The following NAALADL2 variants were observed in gnomAD, a reference collection of about 807,000 sequenced individuals.
NAALADL2 encodes inactive N-acetylated-alpha-linked acidic dipeptidase-like protein 2.
Under a neutral mutation model 87.2 loss-of-function variants are expected in NAALADL2, and 76 were observed. The ratio of observed to expected loss-of-function variants is 0.87; its 90% CI spans 0.72 to 1.05. The LOEUF (loss-of-function observed/expected upper bound fraction) is 1.05, where lower values mean the gene tolerates loss of function less well. Among genes scored for constraint, NAALADL2 ranks in the 50% least tolerant of loss-of-function variants. The pLI, the probability that NAALADL2 is intolerant of heterozygous loss-of-function variation, is 0.00. For missense variants in NAALADL2, 1,089 were observed against 945.8 expected (o/e 1.15, Z -1.99); for synonymous variants, 354 against 331.0 (o/e 1.07, Z -0.75).
intron 1 of NAALADL2, among the ~76,000 whole-genome samples, chr3:174,882,123 A>G (rs1419607715): frequency 1.3e-5 from 2 of 152,058 alleles, no homozygotes; most frequent in Non-Finnish European, 2.9e-5. Context: ...GTGATATTCC[A>G]CTTACGTTAA....
intron 9 of NAALADL2, among the ~76,000 whole-genome samples, chr3:175,488,450 G>A (rs1727616889): frequency 1.3e-5 from 2 of 152,210 alleles, no homozygotes; most frequent in African/African-American, 2.4e-5. Context: ...TGTAGGTGCT[G>A]GGATGTGTGT....
intron 1 of NAALADL2, among the ~76,000 whole-genome samples, chr3:174,473,833 G>A (rs555159860): frequency 4.6e-4 from 70 of 152,182 alleles, no homozygotes; most frequent in African/African-American, 1.1e-3. Context: ...CCATTCTTGC[G>A]CTGCTATGAA....
intron 1 of NAALADL2, among the ~76,000 whole-genome samples, chr3:174,514,708 AT>A (rs1719814148): frequency 6.6e-6 from 1 of 151,918 alleles, no homozygotes; most frequent in Admixed American, 6.6e-5. Context: ...AATTTTATAA[AT>A]TTTTTTCTAT....
At chr3:175,218,624 A>G (rs899646657) in intron 2 of NAALADL2, among the ~76,000 whole-genome samples, 3 of 152,104 alleles carry the variant, frequency 2.0e-5, no homozygotes, top group South Asian at 2.1e-4. Context: ...CACATTTATA[A>G]TCATGAATTT....
chr3:175,228,320 C>T (rs1744450523), intron 2 of NAALADL2, among the ~76,000 whole-genome samples: 1 of 151,868 alleles, frequency 6.6e-6, no homozygotes, highest in Non-Finnish European at 1.5e-5. Flanking sequence ...CAGAGTTTTC[C>T]CCCTTGGATA....
intron 1 of NAALADL2, among the ~76,000 whole-genome samples, chr3:174,955,392 A>G (rs575436239): frequency 7.9e-5 from 12 of 152,256 alleles, no homozygotes; most frequent in African/African-American, 2.6e-4. Flanking sequence ...TTTTAAAACA[A>G]CAAATACCTG....
chr3:175,036,843 A>AT (rs1753477863), intron 1 of NAALADL2, among the ~76,000 whole-genome samples: 1 of 123,050 alleles, frequency 8.1e-6, no homozygotes, highest in African/African-American at 3.3e-5. Flanking sequence ...TATACTTGCT[A>AT]CCCAACAACA....
At chr3:175,607,640 G>T (rs970876114) in intron 10 of NAALADL2, among the ~76,000 whole-genome samples, 7 of 152,082 alleles carry the variant, frequency 4.6e-5, no homozygotes, top group Non-Finnish European at 1.0e-4. Context: ...AACAACTACC[G>T]AGTAGTTCAA....
At chr3:175,561,276 T>G (rs966260849) in intron 9 of NAALADL2, among the ~76,000 whole-genome samples, 11 of 152,176 alleles carry the variant, frequency 7.2e-5, no homozygotes, top group African/African-American at 2.7e-4. Context: ...AATCTCAAGG[T>G]TACTTATAAT....
intron 1 of NAALADL2, among the ~76,000 whole-genome samples, chr3:174,903,997 A>ATCTATT (rs1172607418): frequency 9.9e-5 from 15 of 151,036 alleles, no homozygotes; most frequent in African/African-American, 3.7e-4. Context: ...CTATATCTAT[A>ATCTATT]TCTATATCTA....
chr3:174,955,522 C>T (rs574737153), intron 1 of NAALADL2, among the ~76,000 whole-genome samples: 17 of 152,116 alleles, frequency 1.1e-4, no homozygotes, highest in African/African-American at 3.9e-4. Flanking sequence ...TAAAGATTAT[C>T]ACAAATGATG....
At chr3:174,767,722 A>G (rs1468042183) in intron 3 of NAALADL2, among the ~76,000 whole-genome samples, 1 of 152,132 alleles carries the variant, frequency 6.6e-6, no homozygotes, top group East Asian at 1.9e-4. Context: ...TTCTGGTTCT[A>G]TTTTCTCAAT....
At chr3:175,519,043 T>G (rs1457377000) in intron 9 of NAALADL2, among the ~76,000 whole-genome samples, 1 of 152,226 alleles carries the variant, frequency 6.6e-6, no homozygotes, top group Non-Finnish European at 1.5e-5. Context: ...ATAGCCTGAC[T>G]GGGGAACCCA....
At chr3:175,366,128 G>T in intron 5 of NAALADL2, among the ~76,000 whole-genome samples, 1 of 136,700 alleles carries the variant, frequency 7.3e-6, no homozygotes, top group Non-Finnish European at 1.6e-5. Context: ...TTGTCCTTGC[G>T]ATAGTTTACT....
intron 10 of NAALADL2, among the ~76,000 whole-genome samples, chr3:175,582,536 C>T (rs969463403): frequency 2.0e-5 from 3 of 152,090 alleles, no homozygotes; most frequent in African/African-American, 7.2e-5. Context: ...ATGCTACTTG[C>T]AGGTGGGTTA....
chr3:175,232,845 A>C (rs932326805), intron 2 of NAALADL2, among the ~76,000 whole-genome samples: 6 of 152,092 alleles, frequency 3.9e-5, no homozygotes, highest in Non-Finnish European at 8.8e-5. Flanking sequence ...TTTTTGCCCC[A>C]AAAGGAAATT....
intron 1 of NAALADL2, among the ~76,000 whole-genome samples, chr3:175,080,107 AGGCGCCCGCCAC>A (rs1212669174): frequency 6.6e-6 from 1 of 151,958 alleles, no homozygotes; most frequent in Admixed American, 6.5e-5. Context: ...CTGGGACTAC[AGGCGCCCGCCAC>A]GGCGCCCGGC....
At position 175,610,101 on chromosome 3, in the gene NAALADL2, T is replaced by C. The variant is rs557890965; in HGVS notation, c.1801-17190T>C. Among the ~76,000 whole-genome samples the C allele has an allele frequency of 1.4e-4, 21 of 152,328 alleles. No individual in the cohort carries two copies. In the East Asian group the frequency reaches 4.0e-3, roughly 29 times the overall value. On this transcript the variant is annotated intron_variant, in intron 10 of 13. Transcript: ENST00000454872. The stretch of plus-strand genomic sequence containing the variant: ...TTTCTAAAAATTGTTAATAAACTTG[T>C]GTTTGTTGAGATTTCACTCTTATCC...
At chr3:174,835,646 A>C (rs1001161620) in intron 3 of NAALADL2, among the ~76,000 whole-genome samples, 1 of 152,098 alleles carries the variant, frequency 6.6e-6, no homozygotes, top group Non-Finnish European at 1.5e-5. Flanking sequence ...AACTTCTCCA[A>C]CTCAAAAACA....
Sources: gnomAD v4.1 joint callset for allele counts (sites outside exome capture counted in the v4.1 genomes callset) on GRCh38, gnomAD v4.1.1 for gene constraint, MANE v1.5 for transcripts, NCBI Gene and HGNC (gene_info 2026-07-23, HGNC 2026-07-21) for gene names.